The following CDH12 variants were observed in gnomAD, a reference collection of about 807,000 sequenced individuals.
The protein encoded by CDH12 is cadherin 12.
In CDH12, 41 loss-of-function variants were observed where a neutral mutation model predicts 74.1. The ratio of observed to expected loss-of-function variants is 0.55; its 90% CI spans 0.43 to 0.72. CDH12 has a LOEUF of 0.72. Among genes scored for constraint, CDH12 ranks in the 30% least tolerant of loss-of-function variants. The pLI is 0.00. For missense variants in CDH12, 945 were observed against 977.2 expected (o/e 0.97, Z 0.44); for synonymous variants, 399 against 355.0 (o/e 1.12, Z -1.39).
At chr5:22,780,997 A>T (rs2126347179) in intron 1 of CDH12, among the ~76,000 whole-genome samples, 1 of 152,302 alleles carries the variant, frequency 6.6e-6, no homozygotes. Flanking sequence ...CATTCCTATA[A>T]GTCCTCTCTC....
At chr5:22,482,483 A>G (rs1469158303) in intron 2 of CDH12, among the ~76,000 whole-genome samples, 1 of 152,170 alleles carries the variant, frequency 6.6e-6, no homozygotes, top group Admixed American at 6.5e-5. Context: ...AGAGAAAAAC[A>G]TTCTTGCTAG....
At chr5:22,738,634 G>A (rs963440370) in intron 1 of CDH12, among the ~76,000 whole-genome samples, 4 of 151,736 alleles carry the variant, frequency 2.6e-5, no homozygotes, top group Non-Finnish European at 5.9e-5. Context: ...TAACTTCAAG[G>A]GGACATGTTT....
At chr5:21,956,309 T>A (rs1204729920) in intron 6 of CDH12, among the ~76,000 whole-genome samples, 2 of 151,530 alleles carry the variant, frequency 1.3e-5, no homozygotes, top group African/African-American at 4.8e-5. Flanking sequence ...CAAAAAGAAA[T>A]GAGTAATTTT....
At chr5:22,267,166 G>A (rs1056323498) in intron 3 of CDH12, among the ~76,000 whole-genome samples, 17 of 152,056 alleles carry the variant, frequency 1.1e-4, no homozygotes, top group Middle Eastern at 3.2e-3. Flanking sequence ...CATGATTATC[G>A]TATGTGTATT....
intron 3 of CDH12, among the ~76,000 whole-genome samples, chr5:22,242,090 G>T (rs529404250): frequency 6.6e-6 from 1 of 151,954 alleles, no homozygotes; most frequent in South Asian, 2.1e-4. Flanking sequence ...TTCATTCTAC[G>T]TTTTATTTGT....
At chr5:22,665,663 G>A (rs896406008) in intron 1 of CDH12, among the ~76,000 whole-genome samples, 1 of 152,080 alleles carries the variant, frequency 6.6e-6, no homozygotes, top group Non-Finnish European at 1.5e-5. Context: ...ACTGATAAAT[G>A]ACTTCTTCAC....
intron 9 of CDH12, among the ~76,000 whole-genome samples, chr5:21,805,605 T>G (rs1747384997): frequency 6.6e-6 from 1 of 152,060 alleles, no homozygotes; most frequent in Non-Finnish European, 1.5e-5. Context: ...TTTTAGGCAA[T>G]CCCACTTGAC....
intron 5 of CDH12, among the ~76,000 whole-genome samples, chr5:22,019,976 C>T (rs1283744380): frequency 6.6e-6 from 1 of 151,922 alleles, no homozygotes; most frequent in Non-Finnish European, 1.5e-5. Flanking sequence ...GGACCACTTA[C>T]TGGGCAGAGA....
chr5:22,053,234 T>A (rs994085658), intron 5 of CDH12, among the ~76,000 whole-genome samples: 4 of 152,138 alleles, frequency 2.6e-5, no homozygotes, highest in Non-Finnish European at 5.9e-5. Context: ...CTTTTCTGTA[T>A]CTGATAATTG....
chr5:22,230,659 C>T (rs1013785942), intron 3 of CDH12, among the ~76,000 whole-genome samples: 19 of 151,700 alleles, frequency 1.3e-4, no homozygotes, highest in Non-Finnish European at 2.4e-4. Context: ...TTAATAGAGA[C>T]GGGGTTTCAC....
At position 21,752,147 on chromosome 5, in the gene CDH12, G is replaced by A; in HGVS notation, c.1975C>T (p.His659Tyr). 6.2e-7 allele frequency: 1 copy of A among 1,614,006 alleles called. No homozygotes were observed. Among genetic ancestry groups the A allele is most frequent in the Non-Finnish European group, 8.5e-7 (1 of 1,179,928 alleles). ...SKEDIRDNVI[H>Y]YDDEGGGEED... ...TCCCCACCTCCTTCATCATCGTAAT[G>A]GATGACGTTGTCTCTGATGTCTTCT... The change falls in exon 15 of 15, where the codon CAT becomes TAT. Residue 659 changes from histidine to tyrosine, a missense_variant. His to Tyr is a moderately conservative substitution (Grantham distance 83). Around this residue, in one of 3 missense-constraint regions of CDH12, gnomAD observed 791 missense variants for 792.8 expected, o/e 1.00. Transcript: ENST00000382254.
chr5:22,503,524 C>A (rs548220041), intron 2 of CDH12, among the ~76,000 whole-genome samples: 1 of 152,076 alleles, frequency 6.6e-6, no homozygotes, highest in Admixed American at 6.6e-5. Context: ...GCTTATGTGG[C>A]ATTTATGAAA....
chr5:21,867,471 G>T (rs1384442844), intron 6 of CDH12, among the ~76,000 whole-genome samples: 1 of 152,176 alleles, frequency 6.6e-6, no homozygotes, highest in Admixed American at 6.5e-5. Flanking sequence ...CCAGGGCGGG[G>T]CTGCCCAACA....
At chr5:21,934,252 T>C (rs1349114598) in intron 6 of CDH12, among the ~76,000 whole-genome samples, 1 of 152,140 alleles carries the variant, frequency 6.6e-6, no homozygotes, top group African/African-American at 2.4e-5. Flanking sequence ...GGGGCAGAGT[T>C]TTCATGAATA....
chr5:21,807,668 T>C (rs1290548311), intron 9 of CDH12, among the ~76,000 whole-genome samples: 1 of 152,102 alleles, frequency 6.6e-6, no homozygotes, highest in Admixed American at 6.6e-5. Context: ...TGGTTATAGA[T>C]ATTTTGAGGA....
intron 1 of CDH12, among the ~76,000 whole-genome samples, chr5:22,589,879 TTA>T (rs1740593319): frequency 6.6e-6 from 1 of 152,094 alleles, no homozygotes; most frequent in African/African-American, 2.4e-5. Context: ...ACTAACAAAT[TTA>T]TATCTAATGT....
chr5:22,567,398 A>G (rs1312162378), intron 1 of CDH12, among the ~76,000 whole-genome samples: 1 of 152,210 alleles, frequency 6.6e-6, no homozygotes, highest in Non-Finnish European at 1.5e-5. Flanking sequence ...CCTGAGGGGC[A>G]TGGCCGTCTC....
At chr5:21,783,322 G>T in intron 11 of CDH12, 36 bp downstream of exon 11, 4 of 1,580,044 alleles carry the variant, frequency 2.5e-6, no homozygotes, top group Non-Finnish European at 3.5e-6. Flanking sequence ...CCAAAGAACT[G>T]CAGTATAACA....
chr5:22,479,525 T>C (rs1746301135), intron 2 of CDH12, among the ~76,000 whole-genome samples: 1 of 152,216 alleles, frequency 6.6e-6, no homozygotes, highest in Non-Finnish European at 1.5e-5. Context: ...GACATCTATC[T>C]TAAAATTTGC....
Sources: gnomAD v4.1 joint callset for allele counts (sites outside exome capture counted in the v4.1 genomes callset) on GRCh38, gnomAD v4.1.1 for gene constraint, gnomAD v4.1.1 regional missense constraint, MANE v1.5 for transcripts, NCBI Gene and HGNC (gene_info 2026-07-23, HGNC 2026-07-21) for gene names.